The following PALM2AKAP2 variants were observed in gnomAD, a reference collection of about 807,000 sequenced individuals.
PALM2AKAP2 encodes PALM2 and AKAP2 fusion.
In PALM2AKAP2, 37 loss-of-function variants were observed where a neutral mutation model predicts 71.5. That is an observed-to-expected ratio of 0.52 (90% confidence interval 0.40 to 0.68). The LOEUF (loss-of-function observed/expected upper bound fraction) is 0.68, where lower values mean the gene tolerates loss of function less well. Among genes scored for constraint, PALM2AKAP2 ranks in the 30% least tolerant of loss-of-function variants. The probability of loss-of-function intolerance (pLI) is 0.00; values close to 1 mark genes in which losing one functional copy is unlikely to be tolerated. For synonymous variants in PALM2AKAP2, 468 were observed against 478.8 expected (o/e 0.98, Z 0.29); for missense variants, 1,224 against 1,191.8 (o/e 1.03, Z -0.40).
chr9:109,868,836 C>T (rs995113445), intron 2 of PALM2AKAP2, among the ~76,000 whole-genome samples: 4 of 152,166 alleles, frequency 2.6e-5, no homozygotes, highest in Admixed American at 2.0e-4. Flanking sequence ...TCTGTATCCC[C>T]GGTGCTGTTG....
At chr9:109,807,341 G>T (rs535032791) in intron 1 of PALM2AKAP2, among the ~76,000 whole-genome samples, 1 of 152,212 alleles carries the variant, frequency 6.6e-6, no homozygotes, top group African/African-American at 2.4e-5. Flanking sequence ...TGAGTGGTCA[G>T]TGTCTTAGCC....
intron 1 of PALM2AKAP2, among the ~76,000 whole-genome samples, chr9:110,067,167 G>A (rs1482557848): frequency 6.6e-6 from 1 of 152,122 alleles, no homozygotes; most frequent in Non-Finnish European, 1.5e-5. Context: ...ACCGAGAGTA[G>A]GATGCCAGGT....
intron 1 of PALM2AKAP2, among the ~76,000 whole-genome samples, chr9:109,727,490 A>T (rs1344027570): frequency 1.7e-5 from 2 of 117,858 alleles, no homozygotes; most frequent in Admixed American, 8.4e-5. Context: ...ATTATTTTAT[A>T]TAGAGCCCCA....
chr9:110,094,676 C>A (rs146248086), intron 1 of PALM2AKAP2, among the ~76,000 whole-genome samples: 3 of 41,840 alleles, frequency 7.2e-5, no homozygotes, highest in African/African-American at 3.7e-4. Context: ...GGCGGGGGGG[C>A]GGGTAATCTG....
chr9:109,713,778 G>A (rs2118614848), intron 1 of PALM2AKAP2, among the ~76,000 whole-genome samples: 1 of 152,324 alleles, frequency 6.6e-6, no homozygotes, highest in South Asian at 2.1e-4. Flanking sequence ...AATAGGCAGA[G>A]CACAGGGGAT....
At chr9:109,923,705 T>C (rs1311723647) in intron 3 of PALM2AKAP2, 30 bp from the exon 4 acceptor site, 3 of 1,562,242 alleles carry the variant, frequency 1.9e-6, no homozygotes, top group Non-Finnish European at 1.7e-6. Context: ...GACAATAAAG[T>C]AACTTGTCCT....
At chr9:110,091,979 G>A (rs1588103757) in intron 1 of PALM2AKAP2, among the ~76,000 whole-genome samples, 1 of 152,142 alleles carries the variant, frequency 6.6e-6, no homozygotes, top group Admixed American at 6.5e-5. Context: ...AAGCCCTTTT[G>A]TAACAAATAG....
intron 3 of PALM2AKAP2, among the ~76,000 whole-genome samples, chr9:109,894,298 C>G (rs57021753): frequency 6.6e-6 from 1 of 152,192 alleles, no homozygotes; most frequent in Non-Finnish European, 1.5e-5. Context: ...AAGATCGCAC[C>G]ATTGCACTCC....
intron 7 of PALM2AKAP2, among the ~76,000 whole-genome samples, chr9:110,042,409 G>A (rs260211): frequency 0.67 from 101,170 of 151,646 alleles, 34,293 homozygotes; most frequent in African/African-American, 0.8. Flanking sequence ...CTGGCAGTAA[G>A]TCTATGGATG....
intron 1 of PALM2AKAP2, among the ~76,000 whole-genome samples, chr9:110,134,525 G>A (rs537216897): frequency 2.6e-5 from 4 of 152,140 alleles, no homozygotes; most frequent in Non-Finnish European, 5.9e-5. Flanking sequence ...AAGGAAATGT[G>A]GAAAGTGAAG....
chr9:109,863,475 G>C (rs1340688730), intron 1 of PALM2AKAP2, among the ~76,000 whole-genome samples: 1 of 152,154 alleles, frequency 6.6e-6, no homozygotes, highest in Non-Finnish European at 1.5e-5. Context: ...TTTGAGTTTG[G>C]GGGAGTGACT....
At chr9:109,669,862 G>A (rs2118486227) in intron 1 of PALM2AKAP2, among the ~76,000 whole-genome samples, 1 of 151,546 alleles carries the variant, frequency 6.6e-6, no homozygotes, top group South Asian at 2.1e-4. Flanking sequence ...CTATTCCAAA[G>A]TACCAACTTT....
intron 3 of PALM2AKAP2, among the ~76,000 whole-genome samples, chr9:109,889,619 T>C (rs1215509722): frequency 1.3e-5 from 2 of 152,210 alleles, no homozygotes; most frequent in Non-Finnish European, 2.9e-5. Context: ...CTTTGCAAGC[T>C]GGCACAGGTA....
chr9:109,869,222 T>G (rs531839897), intron 2 of PALM2AKAP2, among the ~76,000 whole-genome samples: 1 of 152,302 alleles, frequency 6.6e-6, no homozygotes, highest in East Asian at 1.9e-4. Context: ...TTCTTTGGTC[T>G]CCCTTCTCAT....
chr9:109,979,523 A>G (rs1033575972), intron 6 of PALM2AKAP2, among the ~76,000 whole-genome samples: 3 of 152,332 alleles, frequency 2.0e-5, no homozygotes, highest in Admixed American at 2.0e-4. Flanking sequence ...GTCTTGCTTC[A>G]TCTTTGTACT....
chr9:109,954,658 TAAAAAAAAAAAA>T (rs56743395), intron 6 of PALM2AKAP2, among the ~76,000 whole-genome samples: 4 of 107,940 alleles, frequency 3.7e-5, no homozygotes, highest in Admixed American at 9.5e-5. Context: ...TAAAGTATAA[TAAAAAAAAAAAA>T]AAAAAAAAAA....
intron 1 of PALM2AKAP2, among the ~76,000 whole-genome samples, chr9:110,109,985 C>CA (rs1835209245): frequency 6.6e-6 from 1 of 152,072 alleles, no homozygotes; most frequent in South Asian, 2.1e-4. Flanking sequence ...TATAAAATTT[C>CA]AATTATGCAG....
chr9:109,932,359 T>C (rs1053927611), intron 6 of PALM2AKAP2, among the ~76,000 whole-genome samples: 4 of 152,218 alleles, frequency 2.6e-5, no homozygotes, highest in African/African-American at 4.8e-5. Flanking sequence ...ATTTTCCTCA[T>C]TGGAAATATA....
chr9:109,866,952 C>A, intron 1 of PALM2AKAP2: 1 of 444,650 alleles, frequency 2.2e-6, no homozygotes, highest in Non-Finnish European at 4.5e-6. Context: ...ATTTCATTTG[C>A]ATTGTTTGGT....
Sources: gnomAD v4.1 joint callset for allele counts (sites outside exome capture counted in the v4.1 genomes callset) on GRCh38, gnomAD v4.1.1 for gene constraint, MANE v1.5 for transcripts, NCBI Gene and HGNC (gene_info 2026-07-23, HGNC 2026-07-21) for gene names.